Variants in ZNF737 observed in about 807,000 individuals in gnomAD.
ZNF737 encodes the protein zinc finger protein 737, also known as zinc finger protein 102 (Y3).
ZNF737 carries 13 observed loss-of-function variants against 11.7 expected under a neutral mutation model. That is an observed-to-expected ratio of 1.11 (90% CI 0.73 to 1.77). ZNF737 has a LOEUF of 1.77. Ranked by LOEUF, ZNF737 falls within the 40% of genes most tolerant of loss-of-function variation. The pLI is 0.00. For missense variants in ZNF737, 636 were observed against 638.0 expected (o/e 1.00, Z 0.03); for synonymous variants, 217 against 216.2 (o/e 1.00, Z -0.03).
Position 20,542,718 on chromosome 19 carries a change from C to T in ZNF737, c.*1874G>A. 5 of 984,442 alleles carry T rather than the reference C, an allele frequency of 5.1e-6. No individual in the cohort carries two copies. Among genetic ancestry groups the T allele is most frequent in the Non-Finnish European group, 6.0e-6 (5 of 829,150 alleles). 61.0% of individuals were successfully genotyped at this position (984,442 alleles called of 1,614,324 possible). A position where few individuals can be genotyped will look rare whatever the true frequency, so the allele number is the denominator to read the frequency against. On this transcript the variant is annotated 3_prime_UTR_variant, in exon 4 of 4. Coordinates refer to ENST00000427401, the MANE Select transcript of ZNF737 (RefSeq NM_001159293.2). ...CAAACAGCTTCTCCACTTGTATTTT[C>T]ATTATGCGTCTTACATTTTAATGTT...
At position 20,545,567 on chromosome 19, in the gene ZNF737, C is replaced by T; in HGVS notation, c.636G>A (p.Trp212Ter). 2 of 1,609,190 alleles carry T rather than the reference C, an allele frequency of 1.2e-6. No homozygotes were observed. Among genetic ancestry groups the T allele is most frequent in the Non-Finnish European group, 1.7e-6 (2 of 1,177,792 alleles). The change falls in exon 4 of 4, where the codon TGG (tryptophan) becomes TGA (stop). Residue 212 changes from tryptophan (W) to a stop codon, truncating the protein, a stop_gained. Coordinates refer to ENST00000427401, the MANE Select transcript of ZNF737 (RefSeq NM_001159293.2). LOFTEE classifies it low-confidence loss of function (END_TRUNC). The stretch of plus-strand genomic sequence containing the variant: ...TCTTATGTGTAGTAAGGTGTGAGGA[C>T]CAGTTGAAGGCTTTGCCACATTCTT... ...KCEECGKAFNWSSHLTTHKRI... is the reference protein window; with the variant it reads ...KCEECGKAFN
At position 20,545,241 on chromosome 19, in the gene ZNF737, G is replaced by T; in HGVS notation, c.962C>A (p.Ala321Asp). Residue 321 changes from alanine to aspartate, a missense_variant, in exon 4 of 4, where the codon GCC (alanine) becomes GAC (aspartate). Coordinates refer to ENST00000427401, the MANE Select transcript of ZNF737 (RefSeq NM_001159293.2). The stretch of plus-strand genomic sequence containing the variant: ...AGTAAGGACAGAGGGGTGCTTAAAG[G>T]CTTTGCCACATTCTTCACATTTGTA... ...KPYKCEECGK[A>D]FKHPSVLTTH... 1 of 1,613,754 alleles carries T rather than the reference G, an allele frequency of 6.2e-7. No individual in the cohort carries two copies. Among genetic ancestry groups the T allele is most frequent in the Non-Finnish European group, 8.5e-7 (1 of 1,179,902 alleles).
chr19:20,564,102 G>T (rs1276287975), intron 1 of ZNF737: 28 of 152,008 alleles, frequency 1.8e-4, no homozygotes, highest in African/African-American at 6.5e-4. Context: ...GGAGGTGGAG[G>T]CTGCAGTAAG....
chr19:20,565,016 C>T (rs1969243664), intron 1 of ZNF737, among the ~76,000 whole-genome samples: 1 of 149,500 alleles, frequency 6.7e-6, no homozygotes, highest in South Asian at 2.1e-4. Context: ...CTCACTGCAA[C>T]ATCCACCTCC....
At chr19:20,547,147 C>T (rs112334149) in intron 3 of ZNF737, among the ~76,000 whole-genome samples, 6 of 151,856 alleles carry the variant, frequency 4.0e-5, no homozygotes, top group South Asian at 4.2e-4. Flanking sequence ...TTTTGGAGGC[C>T]GAGGCAGGTG....
In ZNF737 at chr19:20,545,419, A is replaced by G. The variant is rs781821139; in HGVS notation, c.784T>C (p.Cys262Arg). Residue 262 changes from cysteine (C) to arginine (R), a missense_variant, in exon 4 of 4, where the codon TGT (cysteine) becomes CGT (arginine). Physicochemically the swap from Cys to Arg is radical, Grantham distance 180. Coordinates refer to ENST00000427401, the MANE Select transcript of ZNF737 (RefSeq NM_001159293.2). ...SGEKPYKCEECGKAFKRSSNL... is the reference protein window; with the variant it reads ...SGEKPYKCEERGKAFKRSSNL... ...GAGGAGCGCTTAAAGGCCTTGCCAC[A>G]TTCTTCACATTTGTAGGGTTTCTCT... 16 of 1,613,930 alleles carry G rather than the reference A, an allele frequency of 9.9e-6. 1 individual carries two copies. In the Middle Eastern group the frequency reaches 1.8e-3, roughly 183 times the overall value.
chr19:20,547,380 C>CAAA (rs1209880969), intron 3 of ZNF737, among the ~76,000 whole-genome samples: 85 of 64,882 alleles, frequency 1.3e-3, no homozygotes, highest in South Asian at 5.6e-3. Flanking sequence ...GACTCCGTCT[C>CAAA]AAAAAAAAAA....
rs1968162982 is a variant in ZNF737 at position 20,540,633 on chromosome 19, C to T, written c.*3959G>A. On this transcript the variant is annotated 3_prime_UTR_variant, in exon 4 of 4. Transcript: ENST00000427401. ...AATTAGTCAGACGTGGTGGTGCATGCCTGTAATCCCAGCTACTTAGGAGGC... is the reference window on the plus strand; with the variant it reads ...AATTAGTCAGACGTGGTGGTGCATGTCTGTAATCCCAGCTACTTAGGAGGC... 1 of 189,958 alleles carries T rather than the reference C, an allele frequency of 5.3e-6. No individual in the cohort carries two copies. Among genetic ancestry groups the T allele is most frequent in the Non-Finnish European group, 9.7e-6 (1 of 102,688 alleles). 11.8% of individuals were successfully genotyped at this position (189,958 alleles called of 1,614,324 possible). A position where few individuals can be genotyped will look rare whatever the true frequency, so the allele number is the denominator to read the frequency against.
rs977185617 is a variant in ZNF737 at position 20,540,479 on chromosome 19, T to C, written c.*4113A>G. On this transcript the variant is annotated 3_prime_UTR_variant, in exon 4 of 4. Transcript: ENST00000427401. ...TAAATAAATGTTTAAAATCATCTTTTGCTGGGCACGGTGGCTCATGATTCT... is the reference window on the plus strand; with the variant it reads ...TAAATAAATGTTTAAAATCATCTTTCGCTGGGCACGGTGGCTCATGATTCT... Among the ~76,000 whole-genome samples, 1 of 152,134 alleles carries C rather than the reference T, an allele frequency of 6.6e-6. No individual in the cohort carries two copies.
chr19:20,553,184 G>C (rs190233664), intron 2 of ZNF737, among the ~76,000 whole-genome samples: 2 of 152,258 alleles, frequency 1.3e-5, no homozygotes, highest in East Asian at 3.9e-4. Context: ...CTAATTTGGA[G>C]TGAAGATTAC....
In ZNF737 at chr19:20,545,352, G is replaced by T; in HGVS notation, c.851C>A (p.Pro284His). The change falls in exon 4 of 4, where the codon CCC (proline) becomes CAC (histidine). Residue 284 changes from proline to histidine, a missense_variant. Pro to His is a moderately conservative substitution (Grantham distance 77). Coordinates refer to ENST00000427401, the MANE Select transcript of ZNF737 (RefSeq NM_001159293.2). ...CTTGCCACATTCTTCACATTTGTAG[G>T]GTTTCTCTCCAGTATGAATTATCTT... is the stretch of plus-strand genomic sequence containing the variant. ...THKIIHTGEK[P>H]YKCEECGKAF... The T allele has an allele frequency of 6.2e-7, 1 of 1,613,744 alleles. No individual in the cohort carries two copies. The highest frequency in any genetic ancestry group is 8.5e-7 in the Non-Finnish European group (1 of 1,179,898).
intron 1 of ZNF737, among the ~76,000 whole-genome samples, chr19:20,556,693 C>T (rs1568434710): frequency 6.6e-6 from 1 of 152,318 alleles, no homozygotes; most frequent in East Asian, 1.9e-4. Flanking sequence ...AAGGACAACC[C>T]ATCTCCATCC....
chr19:20,531,346 G>A (rs1967823662), downstream of ZNF737, among the ~76,000 whole-genome samples: 3 of 149,516 alleles, frequency 2.0e-5, 1 homozygote, highest in Non-Finnish European at 4.5e-5. Context: ...AATTTCTGTT[G>A]TTGATTTTAA....
downstream of ZNF737, among the ~76,000 whole-genome samples, chr19:20,532,343 G>A (rs150778736): frequency 8.7e-3 from 1,308 of 150,098 alleles, 91 homozygotes; most frequent in African/African-American, 0.027. Flanking sequence ...GGTAGAATAC[G>A]GAGATGTCAT....
At position 20,541,220 on chromosome 19, in the gene ZNF737, G is replaced by A. The variant is rs1373078537; in HGVS notation, c.*3372C>T. 2.0e-6 allele frequency: 2 copies of A among 983,576 alleles called. No individual in the cohort carries two copies. The highest frequency in any genetic ancestry group is 2.4e-6 in the Non-Finnish European group (2 of 828,434). 60.9% of individuals were successfully genotyped at this position (983,576 alleles called of 1,614,324 possible). The stretch of plus-strand genomic sequence containing the variant: ...AAATAACATAATTTGTTTTGTTGCA[G>A]TAATTGCTTTTATTCTGAAAATATG... On this transcript the variant is annotated 3_prime_UTR_variant, in exon 4 of 4. Coordinates refer to ENST00000427401, the MANE Select transcript of ZNF737 (RefSeq NM_001159293.2).
intron 1 of ZNF737, among the ~76,000 whole-genome samples, chr19:20,560,142 C>T (rs1438028657): frequency 1.1e-4 from 15 of 137,340 alleles, no homozygotes; most frequent in South Asian, 4.8e-4. Flanking sequence ...GTCCGCAGTC[C>T]GGCCTGGGCG....
chr19:20,554,997 G>A (rs868961039), intron 1 of ZNF737, among the ~76,000 whole-genome samples: 2 of 125,406 alleles, frequency 1.6e-5, no homozygotes, highest in Non-Finnish European at 3.5e-5. Flanking sequence ...CGAGTAGCTG[G>A]GATTACAGGT....
At chr19:20,562,918 G>T (rs1351970268) in intron 1 of ZNF737, among the ~76,000 whole-genome samples, 1 of 151,616 alleles carries the variant, frequency 6.6e-6, no homozygotes, top group African/African-American at 2.4e-5. Context: ...TCTAAAATAT[G>T]ACTTTTTCAC....
chr19:20,531,958 G>A (rs1280364479), downstream of ZNF737, among the ~76,000 whole-genome samples: 7 of 150,084 alleles, frequency 4.7e-5, no homozygotes, highest in Admixed American at 4.0e-4. Flanking sequence ...TGCTGATGTA[G>A]AATTACTTCT....
Sources: allele counts gnomAD v4.1 joint callset (sites outside exome capture counted in the v4.1 genomes callset), GRCh38; gene constraint gnomAD v4.1.1; transcripts MANE v1.5; gene names NCBI Gene and HGNC (gene_info 2026-07-23, HGNC 2026-07-21).